ANK2: variants seen among roughly 807,000 people sequenced by gnomAD.
The protein encoded by ANK2 is ankyrin 2.
A neutral mutation model predicts 360.5 loss-of-function variants in ANK2; 83 were observed. That is an observed-to-expected ratio of 0.23 (90% CI 0.19 to 0.28). The LOEUF is 0.28. ANK2 is among the 10% of genes least tolerant of loss of function. ANK2 has a pLI of 1.00. For missense variants in ANK2, 4,201 were observed against 4,795.7 expected (o/e 0.88, Z 3.66); for synonymous variants, 1,740 against 1,759.5 (o/e 0.99, Z 0.28).
Position 113,108,756 on chromosome 4 carries a change from A to G in ANK2, c.84+58944A>G, listed in dbSNP as rs2093956210. Among the ~76,000 whole-genome samples the G allele has an allele frequency of 2.0e-5, 3 of 152,166 alleles. 1 individual carries two copies. The highest frequency in any genetic ancestry group is 6.6e-5 in the Admixed American group (1 of 15,260). ...GACTTGAAACAGAAAAAAAAACTCTACAGATGTTTTTATTTTACAAAGTTA... is the reference window on the plus strand; with the variant it reads ...GACTTGAAACAGAAAAAAAAACTCTGCAGATGTTTTTATTTTACAAAGTTA... On this transcript the variant is annotated intron_variant, in intron 1 of 45. Coordinates refer to ENST00000357077, the MANE Select transcript of ANK2 (RefSeq NM_001148.6).
chr4:113,163,759 C>G (rs202086395), intron 1 of ANK2, among the ~76,000 whole-genome samples: 1 of 74,674 alleles, frequency 1.3e-5, no homozygotes, highest in Non-Finnish European at 2.2e-5. Context: ...AGTGAAACTT[C>G]GTCTCAAAAA....
intron 17 of ANK2, 133 bp downstream of exon 17, chr4:113,278,691 A>G: frequency 2.3e-6 from 2 of 873,238 alleles, no homozygotes; most frequent in African/African-American, 1.7e-5. Context: ...TGGTATTGAC[A>G]CCCTTTTTTT....
chr4:112,723,161 AC>A, the ANK2 span, among the ~76,000 whole-genome samples: 6 of 152,180 alleles, frequency 3.9e-5, no homozygotes, highest in Admixed American at 3.9e-4. Context: ...GATCTCACGA[AC>A]CTGGAATTAA....
chr4:113,184,559 A>G (rs1286142908), intron 2 of ANK2, among the ~76,000 whole-genome samples: 1 of 152,088 alleles, frequency 6.6e-6, no homozygotes, highest in East Asian at 1.9e-4. Context: ...GTGGTGTGTG[A>G]GATGAGGTGA....
intron 1 of ANK2, among the ~76,000 whole-genome samples, chr4:112,877,339 TTCTC>T (rs1397186865): frequency 6.6e-6 from 1 of 152,050 alleles, no homozygotes; most frequent in Non-Finnish European, 1.5e-5. Context: ...CCTACTGCCT[TTCTC>T]TCTCTCTCAT....
At chr4:113,039,079 G>T (rs948232509) in intron 2 of ANK2, among the ~76,000 whole-genome samples, 1 of 152,082 alleles carries the variant, frequency 6.6e-6, no homozygotes, top group Non-Finnish European at 1.5e-5. Flanking sequence ...CTGGATGGTA[G>T]TTAAAAGTTA....
chr4:113,354,791 T>A lies in ANK2; in HGVS notation c.6173T>A (p.Val2058Glu). 6.2e-7 allele frequency: 1 copy of A among 1,613,948 alleles called. No individual in the cohort carries two copies. The highest frequency in any genetic ancestry group is 8.5e-7 in the Non-Finnish European group (1 of 1,179,940). ...ATCAAACGAGGCCAGAGACTCCCGGTAACGGGCACAGCAGAATCCAAAAGA... is the reference window on the plus strand; with the variant it reads ...ATCAAACGAGGCCAGAGACTCCCGGAAACGGGCACAGCAGAATCCAAAAGA... ...QTIKRGQRLP[V>E]TGTAESKRGV... The change falls in exon 38 of 46, where the codon GTA becomes GAA. Residue 2058 changes from valine to glutamate, a missense_variant. Coordinates refer to ENST00000357077, the MANE Select transcript of ANK2 (RefSeq NM_001148.6).
the ANK2 span, among the ~76,000 whole-genome samples, chr4:112,757,659 G>A: frequency 1.3e-5 from 2 of 152,102 alleles, no homozygotes; most frequent in African/African-American, 2.4e-5. Flanking sequence ...GTAATCCATG[G>A]TTTATGGATT....
At chr4:113,342,774 G>A (rs2094443228) in intron 33 of ANK2, among the ~76,000 whole-genome samples, 1 of 152,076 alleles carries the variant, frequency 6.6e-6, no homozygotes, top group Admixed American at 6.6e-5. Context: ...TGGAATAATG[G>A]GATACACTTT....
intron 1 of ANK2, among the ~76,000 whole-genome samples, chr4:112,901,594 T>G (rs963569556): frequency 6.6e-6 from 1 of 152,172 alleles, no homozygotes; most frequent in African/African-American, 2.4e-5. Context: ...CCAGCCATGG[T>G]GGCTCTGCCT....
intron 2 of ANK2, among the ~76,000 whole-genome samples, chr4:112,908,362 A>G (rs1173130303): frequency 6.6e-6 from 1 of 152,242 alleles, no homozygotes; most frequent in Non-Finnish European, 1.5e-5. Flanking sequence ...CAAATGTGGC[A>G]GAGCCAAAAT....
chr4:113,242,209 G>A lies in ANK2; in HGVS notation c.891G>A (p.Arg297=), dbSNP rs867399017. The A allele has an allele frequency of 6.2e-7, 1 of 1,611,594 alleles. No individual in the cohort carries two copies. The highest frequency in any genetic ancestry group is 8.5e-7 in the Non-Finnish European group (1 of 1,177,862). ...DRGGQIDAKT[R]DGLTPLHCAA... is the part of the protein sequence containing the mutation. ...GCGGTCAGATCGATGCCAAAACTAG[G>A]GTGAGTGTCTCTGTTCTTTCAATTT... Residue 297 remains arginine (R), a splice_region_variant and synonymous_variant, in exon 9 of 46, where the codon AGG becomes AGA. Coordinates refer to ENST00000357077, the MANE Select transcript of ANK2 (RefSeq NM_001148.6).
At chr4:112,730,829 T>C in the ANK2 span, among the ~76,000 whole-genome samples, 1 of 147,254 alleles carries the variant, frequency 6.8e-6, no homozygotes, top group African/African-American at 2.5e-5. Flanking sequence ...CAGGGCAACA[T>C]AGTGAGACAC....
chr4:113,141,325 C>A (rs1403631415), intron 1 of ANK2: 4 of 152,246 alleles, frequency 2.6e-5, no homozygotes, highest in Non-Finnish European at 4.4e-5. Flanking sequence ...CAAAGCCAGC[C>A]CAGAGAGTGA....
At position 113,128,551 on chromosome 4, in the gene ANK2, G is replaced by A. The variant is rs568465981; in HGVS notation, c.85-45865G>A. ...GTCACCAGGGCTGGAGTGCAGTGGC[G>A]CGATCTCGGCTCACTGCAACCTCTG... On this transcript the variant is annotated intron_variant, in intron 1 of 45. Transcript: ENST00000357077. Among the ~76,000 whole-genome samples the A allele has an allele frequency of 5.9e-5, 9 of 152,218 alleles. No individual in the cohort carries two copies. In the South Asian group the frequency reaches 1.4e-3, roughly 25 times the overall value.
chr4:112,809,189 T>A, the ANK2 span, among the ~76,000 whole-genome samples: 3 of 151,388 alleles, frequency 2.0e-5, no homozygotes, highest in African/African-American at 7.3e-5. Context: ...CTAGGACAAT[T>A]CATTTGGTAA....
chr4:113,237,321 G>A, intron 6 of ANK2, 149 bp downstream of exon 6: 1 of 1,059,970 alleles, frequency 9.4e-7, no homozygotes, highest in Admixed American at 2.2e-5. Flanking sequence ...ATTTCAGAAA[G>A]AAGGGGACCA....
chr4:113,159,879 C>T (rs1037277793), intron 1 of ANK2, among the ~76,000 whole-genome samples: 1 of 151,804 alleles, frequency 6.6e-6, no homozygotes, highest in African/African-American at 2.4e-5. Context: ...GCCTCGGCCT[C>T]CTAAAGTGCT....
the ANK2 span, among the ~76,000 whole-genome samples, chr4:112,771,152 G>C: frequency 3.3e-5 from 5 of 152,082 alleles, no homozygotes; most frequent in East Asian, 3.9e-4. Flanking sequence ...CACTCTTGTT[G>C]CCCAGGCTGT....
Sources: allele counts gnomAD v4.1 joint callset (sites outside exome capture counted in the v4.1 genomes callset), GRCh38; gene constraint gnomAD v4.1.1; transcripts MANE v1.5; gene names NCBI Gene and HGNC (gene_info 2026-07-23, HGNC 2026-07-21).